The following BACH2 variants were observed in gnomAD, a reference collection of about 807,000 sequenced individuals.
BACH2 encodes the protein transcription regulator protein BACH2.
BACH2 carries 5 observed loss-of-function variants against 61.8 expected under a neutral mutation model. The observed-to-expected ratio is 0.08, with a 90% CI of 0.04 to 0.17. The LOEUF is 0.17. BACH2 is among the 10% of genes least tolerant of loss of function. The pLI is 1.00. For missense variants in BACH2, 824 were observed against 1,091.1 expected (o/e 0.76, Z 3.45); for synonymous variants, 446 against 440.1 (o/e 1.01, Z -0.17).
At chr6:90,060,854 C>T (rs184461335) in intron 5 of BACH2, among the ~76,000 whole-genome samples, 1 of 152,292 alleles carries the variant, frequency 6.6e-6, no homozygotes, top group African/African-American at 2.4e-5. Context: ...AGTACGGTCC[C>T]CATTTGCACC....
At chr6:90,030,661 T>G (rs1228304187) in intron 5 of BACH2, among the ~76,000 whole-genome samples, 1 of 152,174 alleles carries the variant, frequency 6.6e-6, no homozygotes, top group Non-Finnish European at 1.5e-5. Context: ...CAGGAACAAG[T>G]TGAATCTCTG....
intron 5 of BACH2, among the ~76,000 whole-genome samples, chr6:90,047,204 G>A (rs554041962): frequency 2.0e-5 from 3 of 152,348 alleles, no homozygotes; most frequent in Non-Finnish European, 4.4e-5. Flanking sequence ...TTACAGGCGT[G>A]AGCCACTGTG....
chr6:90,063,008 A>G (rs117969593), intron 5 of BACH2: 23 of 834,948 alleles, frequency 2.8e-5, no homozygotes, highest in Non-Finnish European at 3.3e-5. Context: ...TGTATAGGGA[A>G]AAGAGTTTTT....
chr6:90,163,476 G>A (rs531552226), intron 4 of BACH2, among the ~76,000 whole-genome samples: 24 of 152,236 alleles, frequency 1.6e-4, no homozygotes, highest in African/African-American at 5.8e-4. Flanking sequence ...TTGGAAAAAA[G>A]TCAAATGTGG....
intron 8 of BACH2, among the ~76,000 whole-genome samples, chr6:89,936,626 C>T (rs1374880514): frequency 2.6e-5 from 4 of 152,140 alleles, no homozygotes; most frequent in African/African-American, 7.2e-5. Context: ...AGATATCCTA[C>T]TAAGAAGCTT....
chr6:89,941,618 C>T (rs573970098), intron 7 of BACH2, among the ~76,000 whole-genome samples: 15 of 152,294 alleles, frequency 9.8e-5, no homozygotes, highest in African/African-American at 2.6e-4. Flanking sequence ...CTCTTATACC[C>T]GTTGGATAAC....
chr6:89,952,808 T>C (rs1774210230), intron 6 of BACH2: 2 of 152,236 alleles, frequency 1.3e-5, no homozygotes, highest in African/African-American at 4.8e-5. Flanking sequence ...CCCACACGCA[T>C]GCCTGCTCAC....
At chr6:90,245,172 C>T (rs1288559564) in intron 3 of BACH2, among the ~76,000 whole-genome samples, 1 of 151,696 alleles carries the variant, frequency 6.6e-6, no homozygotes, top group Non-Finnish European at 1.5e-5. Context: ...GCAATCCTGC[C>T]TGGGTGACAG....
chr6:89,985,121 A>G (rs1054892741), intron 6 of BACH2, among the ~76,000 whole-genome samples: 1 of 152,300 alleles, frequency 6.6e-6, no homozygotes, highest in African/African-American at 2.4e-5. Flanking sequence ...ACTAACAGGT[A>G]GCAAAGTGTT....
chr6:89,973,119 T>C (rs1775461059), intron 6 of BACH2, among the ~76,000 whole-genome samples: 1 of 151,968 alleles, frequency 6.6e-6, no homozygotes, highest in African/African-American at 2.4e-5. Context: ...AAAACAAAGA[T>C]GGCTGGGCGT....
intron 6 of BACH2, among the ~76,000 whole-genome samples, chr6:89,998,382 C>T (rs1582166390): frequency 6.6e-6 from 1 of 152,174 alleles, no homozygotes; most frequent in East Asian, 1.9e-4. Flanking sequence ...TACTAGCTGG[C>T]TTGGAGGTGA....
intron 4 of BACH2, among the ~76,000 whole-genome samples, chr6:90,127,441 A>T (rs1036716525): frequency 2.0e-5 from 3 of 152,182 alleles, no homozygotes; most frequent in Non-Finnish European, 2.9e-5. Context: ...CAGGGTGGGA[A>T]GTGGGGTAGA....
intron 5 of BACH2, among the ~76,000 whole-genome samples, chr6:90,040,404 C>T (rs1032897097): frequency 1.3e-5 from 2 of 152,028 alleles, no homozygotes; most frequent in Non-Finnish European, 2.9e-5. Context: ...TATTTCTGGA[C>T]TCTATAAGGT....
At chr6:89,934,456 G>C (rs1396197157) in intron 8 of BACH2, among the ~76,000 whole-genome samples, 1 of 152,062 alleles carries the variant, frequency 6.6e-6, no homozygotes, top group Non-Finnish European at 1.5e-5. Flanking sequence ...TCAGGAGTTC[G>C]AGACCAGCCT....
intron 5 of BACH2, among the ~76,000 whole-genome samples, chr6:90,024,845 A>G (rs1778552884): frequency 6.6e-6 from 1 of 152,230 alleles, no homozygotes; most frequent in South Asian, 2.1e-4. Context: ...ACATTAATGG[A>G]ACACAGTGCC....
chr6:90,013,510 CT>C (rs35707698), intron 5 of BACH2, among the ~76,000 whole-genome samples: 59,009 of 116,982 alleles, frequency 0.5, 13,439 homozygotes, highest in African/African-American at 0.67. Context: ...TTTTCTTTTT[CT>C]TTTTTTTTTT....
chr6:90,002,511 C>A (rs1777188353), intron 6 of BACH2, among the ~76,000 whole-genome samples: 1 of 152,192 alleles, frequency 6.6e-6, no homozygotes, highest in Admixed American at 6.5e-5. Flanking sequence ...TGGCTCACGC[C>A]TTAATCCCAG....
chr6:90,209,690 C>T (rs139129661), intron 3 of BACH2, among the ~76,000 whole-genome samples: 10 of 152,268 alleles, frequency 6.6e-5, no homozygotes, highest in Admixed American at 6.5e-4. Context: ...GAACCCCACC[C>T]AGCTCCAATC....
intron 3 of BACH2, among the ~76,000 whole-genome samples, chr6:90,216,875 T>C (rs1769556052): frequency 6.6e-6 from 1 of 152,158 alleles, no homozygotes; most frequent in South Asian, 2.1e-4. Flanking sequence ...CTGAAGATCC[T>C]ACCACGTACA....
Sources: gnomAD v4.1 joint callset for allele counts (sites outside exome capture counted in the v4.1 genomes callset) on GRCh38, gnomAD v4.1.1 for gene constraint, MANE v1.5 for transcripts, NCBI Gene and HGNC (gene_info 2026-07-23, HGNC 2026-07-21) for gene names.